Variants in SAE1 observed in about 807,000 individuals in gnomAD.
SAE1 encodes the protein SUMO-activating enzyme subunit 1.
A neutral mutation model predicts 40.6 loss-of-function variants in SAE1; 11 were observed. The observed-to-expected ratio is 0.27, with a 90% CI of 0.17 to 0.45. The LOEUF is 0.45. Ranked by LOEUF, SAE1 falls within the 20% of genes least tolerant of loss-of-function variation. SAE1 has a pLI of 1.00. For missense variants in SAE1, 373 were observed against 427.3 expected (o/e 0.87, Z 1.12); for synonymous variants, 155 against 154.3 (o/e 1.00, Z -0.03).
intron 7 of SAE1, among the ~76,000 whole-genome samples, chr19:47,203,441 T>G (rs911843391): frequency 1.3e-5 from 2 of 152,242 alleles, no homozygotes; most frequent in Non-Finnish European, 2.9e-5. Context: ...AAAAGTATTG[T>G]GAAAGAATTT....
chr19:47,175,107 A>ATTTTTTT (rs916783073), intron 6 of SAE1, among the ~76,000 whole-genome samples: 45 of 91,698 alleles, frequency 4.9e-4, no homozygotes, highest in Non-Finnish European at 6.1e-4. Context: ...AGTGGCCTTG[A>ATTTTTTT]TTTTTTTTTT....
intron 5 of SAE1, among the ~76,000 whole-genome samples, chr19:47,155,458 A>G (rs2058316468): frequency 6.6e-6 from 1 of 151,808 alleles, no homozygotes; most frequent in African/African-American, 2.4e-5. Context: ...CTCTGTCCCA[A>G]ACTTTTTTTT....
At chr19:47,167,281 T>C (rs1568596773) in intron 5 of SAE1, among the ~76,000 whole-genome samples, 1 of 149,890 alleles carries the variant, frequency 6.7e-6, no homozygotes, top group Non-Finnish European at 1.5e-5. Context: ...TGTATTTTTT[T>C]TTTTTTTGAG....
intron 1 of SAE1, among the ~76,000 whole-genome samples, chr19:47,131,454 C>T (rs546557290): frequency 6.6e-6 from 1 of 152,178 alleles, no homozygotes; most frequent in South Asian, 2.1e-4. Flanking sequence ...GGAGACTGGA[C>T]TGGCCAACCG....
chr19:47,160,388 ATTTTTTTTTTT>A (rs34266912), intron 5 of SAE1, among the ~76,000 whole-genome samples: 2 of 75,108 alleles, frequency 2.7e-5, no homozygotes, highest in African/African-American at 9.8e-5. Flanking sequence ...CGCCCAGCTA[ATTTTTTTTTTT>A]TTTTTTTTTT....
At chr19:47,185,285 AT>A (rs996848960) in intron 6 of SAE1, among the ~76,000 whole-genome samples, 1 of 151,170 alleles carries the variant, frequency 6.6e-6, no homozygotes, top group Admixed American at 6.6e-5. Context: ...CAAAATCTGA[AT>A]TTTTTTTTAT....
At chr19:47,187,526 C>T (rs542259056) in intron 6 of SAE1, among the ~76,000 whole-genome samples, 1 of 152,202 alleles carries the variant, frequency 6.6e-6, no homozygotes, top group African/African-American at 2.4e-5. Context: ...GCTTGTGTCA[C>T]TTTATTTTTT....
intron 6 of SAE1, among the ~76,000 whole-genome samples, chr19:47,172,666 C>T (rs2058441563): frequency 6.6e-6 from 1 of 151,590 alleles, no homozygotes; most frequent in Non-Finnish European, 1.5e-5. Flanking sequence ...TGCCAAAGCA[C>T]TCCAGCCTGG....
chr19:47,185,763 G>C (rs866215040), intron 6 of SAE1, among the ~76,000 whole-genome samples: 34 of 151,018 alleles, frequency 2.3e-4, no homozygotes, highest in Admixed American at 4.6e-4. Flanking sequence ...CACCACACCC[G>C]GCTAATTTTT....
At position 47,204,187 on chromosome 19, in the gene SAE1, C is replaced by CTTTT. The variant is rs57736880; in HGVS notation, c.948+472_948+475dup. Among the ~76,000 whole-genome samples the CTTTT allele has an allele frequency of 3.0e-4, 25 of 82,098 alleles. 1 individual carries two copies. The highest frequency in any genetic ancestry group is 8.0e-4 in the East Asian group (2 of 2,504). The allele number at this position is 82,098 out of a possible 152,430, so 53.9% of individuals were successfully genotyped here. ...CATCACCATGACATCAAAGCCCTCC[C>CTTTT]TTTTTTTTTTTTTTTTTTTTTTTTT... On this transcript the variant is annotated intron_variant, in intron 8 of 8. Coordinates refer to ENST00000270225, the MANE Select transcript of SAE1 (RefSeq NM_005500.3).
chr19:47,181,668 G>A (rs1452690236), intron 6 of SAE1, among the ~76,000 whole-genome samples: 1 of 150,794 alleles, frequency 6.6e-6, no homozygotes, highest in Non-Finnish European at 1.5e-5. Flanking sequence ...TGGTAGAGAT[G>A]GGGTTTCGCC....
intron 4 of SAE1, among the ~76,000 whole-genome samples, chr19:47,153,849 T>C (rs1249835061): frequency 2.0e-5 from 3 of 152,148 alleles, no homozygotes; most frequent in Non-Finnish European, 4.4e-5. Context: ...TGGAGTGCAA[T>C]GGCACCATCT....
chr19:47,138,187 G>T (rs546594347), intron 1 of SAE1, among the ~76,000 whole-genome samples: 12 of 152,228 alleles, frequency 7.9e-5, no homozygotes, highest in African/African-American at 2.4e-4. Flanking sequence ...GGGATTACAG[G>T]CGCCTGCTAC....
intron 5 of SAE1, among the ~76,000 whole-genome samples, chr19:47,162,447 A>G (rs2058364431): frequency 1.3e-5 from 2 of 152,194 alleles, no homozygotes; most frequent in Admixed American, 6.5e-5. Context: ...TTTATATTCT[A>G]GAACCAACAT....
chr19:47,167,236 G>A (rs1052071322), intron 5 of SAE1, among the ~76,000 whole-genome samples: 2 of 151,442 alleles, frequency 1.3e-5, no homozygotes, highest in African/African-American at 4.9e-5. Context: ...TTACAGGTGT[G>A]AGCCACCACA....
intron 7 of SAE1, among the ~76,000 whole-genome samples, chr19:47,203,372 C>G (rs1252163828): frequency 6.6e-6 from 1 of 152,160 alleles, no homozygotes; most frequent in East Asian, 1.9e-4. Flanking sequence ...TCTGATATCT[C>G]TAGGACAGAT....
In SAE1 at chr19:47,152,935, A is replaced by G. The variant is rs767098367; in HGVS notation, c.422A>G (p.Lys141Arg). Reference protein sequence around the residue: ...LTCCSRDVIVKVDQICHKNSI... With the variant: ...LTCCSRDVIVRVDQICHKNSI... ...TGCTGCTCCAGGGATGTCATAGTTA[A>G]AGTTGACCAGATCTGTCACAAAAAT... The change falls in exon 4 of 9, where the codon AAA becomes AGA. Residue 141 changes from lysine (K) to arginine (R), a missense_variant. Around this residue, in one of 3 missense-constraint regions of SAE1, gnomAD observed 351 missense variants for 390.6 expected, o/e 0.90. Coordinates refer to ENST00000270225, the MANE Select transcript of SAE1 (RefSeq NM_005500.3). 6.2e-7 allele frequency: 1 copy of G among 1,612,354 alleles called. No individual in the cohort carries two copies. Among genetic ancestry groups the G allele is most frequent in the Non-Finnish European group, 8.5e-7 (1 of 1,179,942 alleles).
chr19:47,157,243 T>C (rs532607268), intron 5 of SAE1, among the ~76,000 whole-genome samples: 1 of 152,312 alleles, frequency 6.6e-6, no homozygotes, highest in East Asian at 1.9e-4. Flanking sequence ...ACCATAATTA[T>C]CCAGAGTGAA....
chr19:47,184,320 C>G (rs1326232368), intron 6 of SAE1, among the ~76,000 whole-genome samples: 1 of 152,114 alleles, frequency 6.6e-6, no homozygotes, highest in Non-Finnish European at 1.5e-5. Flanking sequence ...TCCGTCGTGA[C>G]CATAAGCCTC....
Sources: gnomAD v4.1 joint callset for allele counts (sites outside exome capture counted in the v4.1 genomes callset) on GRCh38, gnomAD v4.1.1 for gene constraint, gnomAD v4.1.1 regional missense constraint, MANE v1.5 for transcripts, NCBI Gene and HGNC (gene_info 2026-07-23, HGNC 2026-07-21) for gene names.